Variants in AP2A2 observed in about 807,000 individuals in gnomAD.
AP2A2 encodes adaptor related protein complex 2 subunit alpha 2.
A neutral mutation model predicts 104.2 loss-of-function variants in AP2A2; 32 were observed. The ratio of observed to expected loss-of-function variants is 0.31; its 90% CI spans 0.23 to 0.41. The LOEUF is 0.41. Among genes scored for constraint, AP2A2 ranks in the 10% least tolerant of loss-of-function variants. AP2A2 has a pLI of 1.00. For missense variants in AP2A2, 912 were observed against 1,261.0 expected (o/e 0.72, Z 4.19); for synonymous variants, 539 against 533.3 (o/e 1.01, Z -0.15).
intron 1 of AP2A2, among the ~76,000 whole-genome samples, chr11:951,646 A>G (rs1854058431): frequency 1.3e-5 from 2 of 152,212 alleles, no homozygotes; most frequent in African/African-American, 2.4e-5. Flanking sequence ...CATTGATGGC[A>G]CACCCATTTG....
At chr11:1,007,935 C>T (rs1856264099) in intron 17 of AP2A2, 77 bp from the exon 18 acceptor site, 1 of 1,547,616 alleles carries the variant, frequency 6.5e-7, no homozygotes, top group Non-Finnish European at 8.7e-7. Flanking sequence ...CTCCACGGGT[C>T]CTGCTGGGGC....
At chr11:964,579 C>A (rs762245282) in intron 2 of AP2A2, among the ~76,000 whole-genome samples, 15 of 152,142 alleles carry the variant, frequency 9.9e-5, no homozygotes, top group African/African-American at 3.6e-4. Context: ...AGGCTGAAGT[C>A]GGTTTGGCCA....
rs918620269 is a variant in AP2A2, at chr11:988,756, C to T, written c.1269+67C>T. 4.4e-6 allele frequency: 7 copies of T among 1,575,696 alleles called. No homozygotes were observed. The East Asian group carries it at 6.7e-5, about 15-fold the overall frequency. On this transcript the variant is annotated intron_variant, in intron 10 of 21. Transcript: ENST00000448903. The stretch of plus-strand genomic sequence containing the variant: ...TGAATCTCAGCGGCAGGATTTCCTT[C>T]GTGCTCTGCGATTCCGTCCAGCAGG...
At chr11:988,459 G>C in intron 9 of AP2A2, 93 bp from the exon 10 acceptor site, 1 of 1,468,456 alleles carries the variant, frequency 6.8e-7, no homozygotes, top group Non-Finnish European at 9.3e-7. Flanking sequence ...ACTCAGAGTG[G>C]GTGTTGAGAT....
intron 1 of AP2A2, among the ~76,000 whole-genome samples, chr11:932,996 G>A (rs1853337582): frequency 6.6e-6 from 1 of 152,192 alleles, no homozygotes; most frequent in Non-Finnish European, 1.5e-5. Context: ...TACGCCGGGC[G>A]CTGCGGTTCA....
intron 8 of AP2A2, among the ~76,000 whole-genome samples, chr11:985,900 T>C (rs1437475691): frequency 6.6e-6 from 1 of 152,100 alleles, no homozygotes; most frequent in East Asian, 1.9e-4. Context: ...GTGGGGGGTG[T>C]GCGCGCATGT....
intron 5 of AP2A2, among the ~76,000 whole-genome samples, chr11:978,104 G>A (rs1589986584): frequency 6.6e-6 from 1 of 152,318 alleles, no homozygotes; most frequent in South Asian, 2.1e-4. Context: ...CAGAGTTGGC[G>A]TGTTGGGGTC....
intron 1 of AP2A2, among the ~76,000 whole-genome samples, chr11:941,518 G>T (rs1490396291): frequency 6.6e-6 from 1 of 151,822 alleles, no homozygotes; most frequent in African/African-American, 2.4e-5. Flanking sequence ...CTGGCCTCAA[G>T]TGATTCTCTT....
At chr11:971,349 C>T (rs556937162) in intron 3 of AP2A2, among the ~76,000 whole-genome samples, 2 of 152,194 alleles carry the variant, frequency 1.3e-5, no homozygotes, top group East Asian at 3.9e-4. Context: ...TGGTGCCTGG[C>T]AGTGGCCTGG....
At chr11:938,184 C>T (rs745885248) in intron 1 of AP2A2, among the ~76,000 whole-genome samples, 3 of 152,330 alleles carry the variant, frequency 2.0e-5, no homozygotes, top group East Asian at 3.9e-4. Context: ...GCCTGTGTGC[C>T]GGCTGGTGCC....
chr11:937,730 A>G (rs947695465), intron 1 of AP2A2, among the ~76,000 whole-genome samples: 1 of 152,282 alleles, frequency 6.6e-6, no homozygotes, highest in Non-Finnish European at 1.5e-5. Flanking sequence ...GTGGAAAACA[A>G]GGTGATTGGG....
At chr11:996,789 G>A (rs1487605621) in intron 14 of AP2A2, among the ~76,000 whole-genome samples, 1 of 152,178 alleles carries the variant, frequency 6.6e-6, no homozygotes, top group Non-Finnish European at 1.5e-5. Flanking sequence ...CCTGGCGGGT[G>A]GGTTCCTTAG....
intron 1 of AP2A2, among the ~76,000 whole-genome samples, chr11:945,337 T>A (rs1853797070): frequency 6.6e-6 from 1 of 152,066 alleles, no homozygotes; most frequent in Non-Finnish European, 1.5e-5. Flanking sequence ...GACACTCAAT[T>A]TTTAAAAATT....
chr11:962,744 A>T (rs574996942), intron 2 of AP2A2, among the ~76,000 whole-genome samples: 141 of 152,152 alleles, frequency 9.3e-4, no homozygotes, highest in Middle Eastern at 3.4e-3. Flanking sequence ...AAAAAAAAAA[A>T]ATTTTGTTTT....
intron 1 of AP2A2, among the ~76,000 whole-genome samples, chr11:936,172 G>A (rs1853453548): frequency 6.9e-6 from 1 of 144,780 alleles, no homozygotes; most frequent in Non-Finnish European, 1.5e-5. Context: ...CTCCCAAAGT[G>A]CTAGGATTAC....
rs1855482692 is a variant in AP2A2, at chr11:986,945, G to T, written c.1123G>T (p.Ala375Ser). 6.3e-7 allele frequency: 1 copy of T among 1,581,470 alleles called. No individual in the cohort carries two copies. Among genetic ancestry groups the T allele is most frequent in the African/African-American group, 1.3e-5 (1 of 74,270 alleles). Residue 375 changes from alanine to serine, a missense_variant, in exon 9 of 22, where the codon GCC (alanine) becomes TCC (serine). This residue lies in a region of AP2A2 where 350 missense variants were observed against 487.0 expected (regional missense o/e 0.72). Coordinates refer to ENST00000448903, the MANE Select transcript of AP2A2 (RefSeq NM_012305.4). Reference protein sequence around the residue: ...VKTHIETVINALKTERDVSVR... With the variant: ...VKTHIETVINSLKTERDVSVR... ...GACGCACATCGAGACGGTCATCAAC[G>T]CCCTGAAGGCGAGTGCCCTGTCCTT...
chr11:1,011,900 C>T lies in AP2A2; in HGVS notation c.*1275C>T, dbSNP rs928399810. On this transcript the variant is annotated 3_prime_UTR_variant, in exon 22 of 22. Transcript: ENST00000448903. ...ACAATGTCTGCGGCTCTTCTTCCGG[C>T]GTGTCGGGCTTTGATCACAGCATAG... 12 of 189,436 alleles carry T rather than the reference C, an allele frequency of 6.3e-5. No homozygotes were observed. Among genetic ancestry groups the T allele is most frequent in the Admixed American group, 3.4e-4 (6 of 17,714 alleles). The allele number at this position is 189,436 out of a possible 1,614,324, so 11.7% of individuals were successfully genotyped here. A position where few individuals can be genotyped will look rare whatever the true frequency, so the allele number is the denominator to read the frequency against.
chr11:940,429 T>A (rs996098398), intron 1 of AP2A2, among the ~76,000 whole-genome samples: 2 of 152,358 alleles, frequency 1.3e-5, no homozygotes, highest in Middle Eastern at 6.8e-3. Context: ...TAGTTGAAAT[T>A]ATACCTCCTG....
At chr11:1,009,989 C>T (rs970855786) in intron 21 of AP2A2, 172 bp downstream of exon 21, 35 of 739,976 alleles carry the variant, frequency 4.7e-5, no homozygotes, top group African/African-American at 1.1e-4. Context: ...AGCTGGCCAC[C>T]GTGGAGCATC....
Sources: allele counts gnomAD v4.1 joint callset (sites outside exome capture counted in the v4.1 genomes callset), GRCh38; gene constraint gnomAD v4.1.1; regional missense constraint gnomAD v4.1.1; transcripts MANE v1.5; gene names NCBI Gene and HGNC (gene_info 2026-07-23, HGNC 2026-07-21).